The following NFE2L3 variants were observed in gnomAD, a reference collection of about 807,000 sequenced individuals.
NFE2L3 encodes NFE2 like bZIP transcription factor 3.
In NFE2L3, 18 loss-of-function variants were observed where a neutral mutation model predicts 23.5. The ratio of observed to expected loss-of-function variants is 0.77; its 90% CI spans 0.53 to 1.13. The LOEUF is 1.13. NFE2L3 is among the 50% of genes most tolerant of loss of function. The probability of loss-of-function intolerance (pLI) is 0.00; values close to 1 mark genes in which losing one functional copy is unlikely to be tolerated. For synonymous variants in NFE2L3, 424 were observed against 354.5 expected, an observed-to-expected ratio of 1.20 and a Z score of -2.20; for missense variants, 1,152 against 877.2, an observed-to-expected ratio of 1.31 and a Z score of -3.96.
At chr7:26,168,591 C>G (rs1784287656) in intron 1 of NFE2L3, among the ~76,000 whole-genome samples, 1 of 149,532 alleles carries the variant, frequency 6.7e-6, no homozygotes, top group Non-Finnish European at 1.5e-5. Context: ...AGATATATTT[C>G]TATCTCACAA....
intron 1 of NFE2L3, among the ~76,000 whole-genome samples, chr7:26,177,408 C>T (rs1784432726): frequency 6.6e-6 from 1 of 152,210 alleles, no homozygotes; most frequent in Admixed American, 6.5e-5. Flanking sequence ...ACCAGCCTGG[C>T]CAACACGGCG....
intron 2 of NFE2L3, among the ~76,000 whole-genome samples, chr7:26,182,111 C>G (rs2237329): frequency 6.6e-6 from 1 of 151,948 alleles, no homozygotes; most frequent in East Asian, 1.9e-4. Context: ...GAGCTCCTAA[C>G]GAAAACAAAT....
At chr7:26,184,090 A>G (rs1164698908) in intron 3 of NFE2L3, 2 of 398,888 alleles carry the variant, frequency 5.0e-6, no homozygotes, top group Admixed American at 4.2e-5. Context: ...CTGCACCCCC[A>G]TGTTTATTGC....
At chr7:26,182,172 A>G (rs1031854815) in intron 2 of NFE2L3, among the ~76,000 whole-genome samples, 1 of 152,216 alleles carries the variant, frequency 6.6e-6, no homozygotes, top group Non-Finnish European at 1.5e-5. Context: ...CTAAGAAGAA[A>G]CATTTTTTAA....
chr7:26,165,825 A>C (rs1019783565), intron 1 of NFE2L3, among the ~76,000 whole-genome samples: 1 of 152,168 alleles, frequency 6.6e-6, no homozygotes, highest in Admixed American at 6.5e-5. Context: ...ACGTCCCATC[A>C]ATACCTAATT....
At chr7:26,177,746 G>A (rs1377065939) in intron 1 of NFE2L3, among the ~76,000 whole-genome samples, 197 bp from the exon 2 acceptor site, 1 of 152,200 alleles carries the variant, frequency 6.6e-6, no homozygotes, top group Non-Finnish European at 1.5e-5. Flanking sequence ...AATTTAAATT[G>A]CACAGATTAG....
chr7:26,165,705 AG>A (rs1784238743), intron 1 of NFE2L3, among the ~76,000 whole-genome samples: 2 of 152,094 alleles, frequency 1.3e-5, no homozygotes, highest in Non-Finnish European at 2.9e-5. Flanking sequence ...GTGGTGAGAG[AG>A]GGCATCCCTG....
chr7:26,165,628 AT>A (rs1784237187), intron 1 of NFE2L3, among the ~76,000 whole-genome samples: 1 of 152,158 alleles, frequency 6.6e-6, no homozygotes. Context: ...TCCTAATTGA[AT>A]ACCCTTTATT....
intron 2 of NFE2L3, 61 bp from the exon 3 acceptor site, chr7:26,183,633 ATAAAGCC>A (rs1340713753): frequency 2.8e-5 from 26 of 928,252 alleles, no homozygotes; most frequent in Non-Finnish European, 4.0e-5. Flanking sequence ...TCCTTTAAAG[ATAAAGCC>A]TAAAGCCCCA....
rs1562676122 is a variant in NFE2L3 at position 26,177,934 on chromosome 7, C to G, written c.571-9C>G. On this transcript the variant is annotated splice_polypyrimidine_tract_variant and intron_variant, in intron 1 of 3. Transcript: ENST00000056233. ...TTTGCTTATTTGATGAAATTTCGTA[C>G]TTTTATAGGAGAATGGGGTACTAAG... 2 of 1,605,034 alleles carry G rather than the reference C, an allele frequency of 1.2e-6. No individual in the cohort carries two copies. Among genetic ancestry groups the G allele is most frequent in the Admixed American group, 1.7e-5 (1 of 57,648 alleles).
Position 26,152,966 on chromosome 7 carries a change from C to T in NFE2L3, c.468C>T (p.Asp156=), listed in dbSNP as rs1412128849. 1.1e-5 allele frequency: 16 copies of T among 1,494,010 alleles called. No homozygotes were observed. The highest frequency in any genetic ancestry group is 4.4e-5 in the Admixed American group (2 of 45,358). The allele number at this position is 1,494,010 out of a possible 1,614,324, so 92.5% of individuals were successfully genotyped here. The part of the protein sequence containing the change: ...GSQAVQGGGG[D]PRAARSGPLD... Reference sequence around the variant, plus strand: ...AGGCTGTGCAGGGGGGCGGCGGGGACCCCCGAGCGGCTCGGAGTGGCCCCT... The same window carrying T: ...AGGCTGTGCAGGGGGGCGGCGGGGATCCCCGAGCGGCTCGGAGTGGCCCCT... Residue 156 remains aspartate, a synonymous_variant, in exon 1 of 4, where the codon GAC becomes GAT. Transcript: ENST00000056233. The surrounding 1 kb of genome is among the most constrained non-coding windows in gnomAD (Gnocchi z 4.4).
At chr7:26,176,145 C>G (rs572328425) in intron 1 of NFE2L3, among the ~76,000 whole-genome samples, 2 of 152,214 alleles carry the variant, frequency 1.3e-5, no homozygotes, top group South Asian at 2.1e-4. Context: ...TGAGTTGACA[C>G]AGCACATGTT....
Position 26,185,688 on chromosome 7 carries a change from C to G in NFE2L3, c.1990C>G (p.Leu664Val). 6.2e-7 allele frequency: 1 copy of G among 1,613,812 alleles called. No homozygotes were observed. Among genetic ancestry groups the G allele is most frequent in the African/African-American group, 1.3e-5 (1 of 75,042 alleles). ...GRPVNPNHYALQCTHDGSILI... is the reference protein window; with the variant it reads ...GRPVNPNHYAVQCTHDGSILI... The stretch of plus-strand genomic sequence containing the variant: ...GCCAGTCAATCCCAACCACTATGCT[C>G]TCCAGTGTACCCATGATGGAAGTAT... Residue 664 changes from leucine to valine, a missense_variant, in exon 4 of 4, where the codon CTC (leucine) becomes GTC (valine). Leu to Val is a conservative substitution (Grantham distance 32). Coordinates refer to ENST00000056233, the MANE Select transcript of NFE2L3 (RefSeq NM_004289.7).
chr7:26,153,795 G>T (rs1475526201), intron 1 of NFE2L3, among the ~76,000 whole-genome samples: 1 of 152,192 alleles, frequency 6.6e-6, no homozygotes, highest in Non-Finnish European at 1.5e-5. Context: ...AGTTTACCAA[G>T]ATCTGTTGCT....
intron 1 of NFE2L3, among the ~76,000 whole-genome samples, chr7:26,169,185 C>T (rs2040785): frequency 0.52 from 79,730 of 152,104 alleles, 21,549 homozygotes; most frequent in East Asian, 0.69. Context: ...GAGATTCTCC[C>T]TCTCTCTCCC....
rs6959867 is a variant in NFE2L3, at chr7:26,185,913, C to T, written c.*130C>T. On this transcript the variant is annotated 3_prime_UTR_variant, in exon 4 of 4. Coordinates refer to ENST00000056233, the MANE Select transcript of NFE2L3 (RefSeq NM_004289.7). The stretch of plus-strand genomic sequence containing the variant: ...ACTGCTACTTGAATAACTCAGTTAA[C>T]GCTGTTTTGAAGCTTACATGGACAA... 23 of 795,924 alleles carry T rather than the reference C, an allele frequency of 2.9e-5. No individual in the cohort carries two copies. The highest frequency in any genetic ancestry group is 5.5e-5 in the East Asian group (2 of 36,220). 49.3% of individuals were successfully genotyped at this position (795,924 alleles called of 1,614,324 possible).
intron 2 of NFE2L3, among the ~76,000 whole-genome samples, chr7:26,180,406 T>C (rs187054433): frequency 5.0e-4 from 76 of 152,314 alleles, no homozygotes; most frequent in African/African-American, 1.7e-3. Context: ...CTCTGACTTA[T>C]CTATTTCCTA....
intron 1 of NFE2L3, among the ~76,000 whole-genome samples, chr7:26,164,372 CATT>C (rs1255840780): frequency 6.6e-6 from 1 of 152,204 alleles, no homozygotes; most frequent in Non-Finnish European, 1.5e-5. Flanking sequence ...GATGGTATCT[CATT>C]GTGGTTTTGA....
Position 26,178,099 on chromosome 7 carries a change from A to G in NFE2L3, c.727A>G (p.Lys243Glu). Residue 243 changes from lysine (K) to glutamate (E), a missense_variant, in exon 2 of 4, where the codon AAG becomes GAG. Physicochemically the swap from Lys to Glu is moderately conservative, Grantham distance 56. Transcript: ENST00000056233. The part of the protein sequence containing the change: ...IAEKPDWEAE[K>E]TTESRNERHL... ...AGAGAAACCTGACTGGGAGGCAGAA[A>G]AGACCACTGAATCTAGAAATGAGGT... 6.2e-7 allele frequency: 1 copy of G among 1,613,726 alleles called. No homozygotes were observed. The highest frequency in any genetic ancestry group is 1.7e-5 in the Admixed American group (1 of 59,964).
Sources: gnomAD v4.1 joint callset for allele counts (sites outside exome capture counted in the v4.1 genomes callset) on GRCh38, gnomAD v4.1.1 for gene constraint, Gnocchi (gnomAD v3.1) non-coding constraint, MANE v1.5 for transcripts, NCBI Gene and HGNC (gene_info 2026-07-23, HGNC 2026-07-21) for gene names.